SH3TC2: variants seen among roughly 807,000 people sequenced by gnomAD.
SH3TC2 encodes the protein SH3 domain and tetratricopeptide repeat-containing protein 2.
SH3TC2 carries 87 observed loss-of-function variants against 124.5 expected under a neutral mutation model. That is an observed-to-expected ratio of 0.70 (90% CI 0.59 to 0.84). The LOEUF (loss-of-function observed/expected upper bound fraction) is 0.84, where lower values mean the gene tolerates loss of function less well. Among genes scored for constraint, SH3TC2 ranks in the 40% least tolerant of loss-of-function variants. SH3TC2 has a pLI of 0.00. For missense variants in SH3TC2, 1,536 were observed against 1,566.4 expected (o/e 0.98, Z 0.33); for synonymous variants, 634 against 628.5 (o/e 1.01, Z -0.13).
intron 9 of SH3TC2, among the ~76,000 whole-genome samples, chr5:149,029,633 G>A (rs754286693): frequency 1.2e-4 from 18 of 152,128 alleles, no homozygotes; most frequent in Admixed American, 2.0e-4. Context: ...GCAGCCAGTA[G>A]CCAGTGAGGG....
rs1003945391 is a variant in SH3TC2 at position 149,007,062 on chromosome 5, T to C, written c.3494A>G (p.Glu1165Gly). The change falls in exon 16 of 17, where the codon GAG becomes GGG. Residue 1165 changes from glutamate (E) to glycine (G), a missense_variant. Around this residue, in one of 3 missense-constraint regions of SH3TC2, gnomAD observed 426 missense variants for 443.5 expected, o/e 0.96. Transcript: ENST00000515425. The stretch of plus-strand genomic sequence containing the variant: ...AGCCAGGCGGTGAAAGGCCACCAGC[T>C]CTTGCCTCTGATCTCCTAAGAATTG... ...LSTVTGDQRQ[E>G]LVAFHRLATV... 3.7e-6 allele frequency: 6 copies of C among 1,614,040 alleles called. No individual in the cohort carries two copies. The African/African-American group carries it at 5.3e-5, about 14-fold the overall frequency.
rs1232615526 is a variant in SH3TC2, at chr5:148,984,254, T to G, written c.*20457A>C. On this transcript the variant is annotated 3_prime_UTR_variant, in exon 17 of 17. Coordinates refer to ENST00000515425, the MANE Select transcript of SH3TC2 (RefSeq NM_024577.4). ...TTTTTGTTCCTTCGACTGGATAATT[T>G]CAAGTGTCCTGTCTTTGAGTTCACT... 6.6e-6 allele frequency among the ~76,000 whole-genome samples: 1 copy of G among 152,164 alleles called. No homozygotes were observed. The highest frequency in any genetic ancestry group is 1.5e-5 in the Non-Finnish European group (1 of 68,024).
In SH3TC2 at chr5:148,987,781, T is replaced by C. The variant is rs1326252205; in HGVS notation, c.*16930A>G. Among the ~76,000 whole-genome samples, 1 of 151,386 alleles carries C rather than the reference T, an allele frequency of 6.6e-6. No individual in the cohort carries two copies. The highest frequency in any genetic ancestry group is 1.9e-4 in the East Asian group (1 of 5,152). On this transcript the variant is annotated 3_prime_UTR_variant, in exon 17 of 17. Transcript: ENST00000515425. ...CAAGCATGGGAAGCTCACCAAGTCA[T>C]GTCCTCACTCGAGGCCTCATTCAAA... is the stretch of plus-strand genomic sequence containing the variant.
Position 149,001,635 on chromosome 5 carries a change from T to C in SH3TC2, c.*3076A>G, listed in dbSNP as rs917486484. The C allele has an allele frequency of 1.3e-5, 2 of 152,224 alleles. No individual in the cohort carries two copies. The highest frequency in any genetic ancestry group is 2.4e-5 in the African/African-American group (1 of 41,460). The allele number at this position is 152,224 out of a possible 1,614,324, so 9.4% of individuals were successfully genotyped here. A position where few individuals can be genotyped will look rare whatever the true frequency, so the allele number is the denominator to read the frequency against. On this transcript the variant is annotated 3_prime_UTR_variant, in exon 17 of 17. Coordinates refer to ENST00000515425, the MANE Select transcript of SH3TC2 (RefSeq NM_024577.4). ...TTTTTAAAAGAGTTTTAGCAAGCGGTTTACATATAGAATGTAGTAATTGCA... is the reference window on the plus strand; with the variant it reads ...TTTTTAAAAGAGTTTTAGCAAGCGGCTTACATATAGAATGTAGTAATTGCA...
At chr5:149,042,317 T>G (rs1325424054) in intron 5 of SH3TC2, among the ~76,000 whole-genome samples, 1 of 152,234 alleles carries the variant, frequency 6.6e-6, no homozygotes, top group East Asian at 1.9e-4. Flanking sequence ...ACAATCAAAT[T>G]TTATCACGTT....
At chr5:149,034,799 GA>G in intron 8 of SH3TC2, among the ~76,000 whole-genome samples, 1 of 152,134 alleles carries the variant, frequency 6.6e-6, no homozygotes, top group South Asian at 2.1e-4. Flanking sequence ...GTCAACAAAA[GA>G]AAAAATGATT....
chr5:149,034,846 C>T (rs1754256585), intron 8 of SH3TC2, among the ~76,000 whole-genome samples: 1 of 152,136 alleles, frequency 6.6e-6, no homozygotes, highest in Non-Finnish European at 1.5e-5. Context: ...AAGGCCCTGG[C>T]AACATGGATT....
In SH3TC2 at chr5:149,041,482, A is replaced by G; in HGVS notation, c.665T>C (p.Leu222Ser). 6.2e-7 allele frequency: 1 copy of G among 1,614,124 alleles called. No homozygotes were observed. The highest frequency in any genetic ancestry group is 8.5e-7 in the Non-Finnish European group (1 of 1,180,026). Residue 222 changes from leucine to serine, a missense_variant, in exon 6 of 17, where the codon TTG becomes TCG. Physicochemically the swap from Leu to Ser is moderately radical, Grantham distance 145. Around this residue, in one of 3 missense-constraint regions of SH3TC2, gnomAD observed 1,102 missense variants for 1,098.6 expected, o/e 1.00. Transcript: ENST00000515425. ...TACCAGGCCCCGCTGACCTGTCACCAAAGACACGCCTTCCAACTCGGAGCC... is the reference window on the plus strand; with the variant it reads ...TACCAGGCCCCGCTGACCTGTCACCGAAGACACGCCTTCCAACTCGGAGCC... ...EAGSELEGVS[L>S]VTGQRGLVLV...
chr5:149,030,534 A>G (rs1754171910), intron 9 of SH3TC2, among the ~76,000 whole-genome samples: 1 of 152,248 alleles, frequency 6.6e-6, no homozygotes, highest in Admixed American at 6.5e-5. Flanking sequence ...GCTCCCGCCT[A>G]CTGGGCAGTG....
In SH3TC2 at chr5:148,988,475, C is replaced by T. The variant is rs995039312; in HGVS notation, c.*16236G>A. On this transcript the variant is annotated 3_prime_UTR_variant, in exon 17 of 17. Coordinates refer to ENST00000515425, the MANE Select transcript of SH3TC2 (RefSeq NM_024577.4). ...GGTCATAGGAAGCTTTGCAGCTCCCCGTTTAATCTCCTGGAATGCTAGCTC... is the reference window on the plus strand; with the variant it reads ...GGTCATAGGAAGCTTTGCAGCTCCCTGTTTAATCTCCTGGAATGCTAGCTC... Among the ~76,000 whole-genome samples the T allele has an allele frequency of 5.3e-5, 8 of 152,170 alleles. No individual in the cohort carries two copies. The highest frequency in any genetic ancestry group is 1.9e-4 in the African/African-American group (8 of 41,428).
chr5:149,061,520 T>G (rs113462211), intron 1 of SH3TC2, among the ~76,000 whole-genome samples: 1 of 152,236 alleles, frequency 6.6e-6, no homozygotes, highest in Non-Finnish European at 1.5e-5. Flanking sequence ...CCATTTCACA[T>G]GTAGACTTAA....
intron 8 of SH3TC2, 56 bp from the exon 9 acceptor site, chr5:149,031,743 T>C (rs1470541701): frequency 1.2e-6 from 2 of 1,608,984 alleles, no homozygotes; most frequent in African/African-American, 2.7e-5. Flanking sequence ...AGACTCCATC[T>C]CCTCTTCTCT....
chr5:149,052,179 G>T lies in SH3TC2; in HGVS notation c.114C>A (p.Tyr38Ter). 2 of 1,613,614 alleles carry T rather than the reference G, an allele frequency of 1.2e-6. No individual in the cohort carries two copies. Among genetic ancestry groups the T allele is most frequent in the South Asian group, 1.1e-5 (1 of 91,080 alleles). ...TCTGTGGCAGAAAACATTTTTCCTT[G>T]TATTCAGATGAGGCTATACACTCAC... ...VSSECIASSEYKEKCFLPQNI... is the reference protein window; with the variant it reads ...VSSECIASSE Residue 38 changes from tyrosine to a stop codon, truncating the protein, a stop_gained, in exon 2 of 17, where the codon TAC (tyrosine) becomes TAA (stop). Transcript: ENST00000515425. LOFTEE classifies it high-confidence loss of function.
At chr5:149,038,515 G>T (rs887624094) in intron 7 of SH3TC2, 25 bp from the exon 8 acceptor site, 1 of 1,612,194 alleles carries the variant, frequency 6.2e-7, no homozygotes, top group East Asian at 2.2e-5. Flanking sequence ...ACACAGATCA[G>T]CTACAGAAGA....
Position 149,038,440 on chromosome 5 carries a change from C to G in SH3TC2, c.856G>C (p.Glu286Gln). The G allele has an allele frequency of 6.2e-7, 1 of 1,614,146 alleles. No individual in the cohort carries two copies. Among genetic ancestry groups the G allele is most frequent in the Non-Finnish European group, 8.5e-7 (1 of 1,180,010 alleles). ...LTGYEPGEKD[E>Q]LNFYQGESIE... ...CTTTCTCCCTGGTAGAAATTCAGTTCATCCTTTTCTCCTGGCTCATAACCC... is the reference window on the plus strand; with the variant it reads ...CTTTCTCCCTGGTAGAAATTCAGTTGATCCTTTTCTCCTGGCTCATAACCC... Residue 286 changes from glutamate to glutamine, a missense_variant, in exon 8 of 17, where the codon GAA (glutamate) becomes CAA (glutamine). Coordinates refer to ENST00000515425, the MANE Select transcript of SH3TC2 (RefSeq NM_024577.4).
At chr5:149,047,707 A>G in intron 3 of SH3TC2, 155 bp downstream of exon 3, 1 of 1,027,630 alleles carries the variant, frequency 9.7e-7, no homozygotes. Context: ...TCCTGTGCAG[A>G]GAATGTGCAC....
chr5:149,017,288 G>A (rs779757444), intron 12 of SH3TC2, among the ~76,000 whole-genome samples: 2 of 152,094 alleles, frequency 1.3e-5, no homozygotes, highest in Non-Finnish European at 2.9e-5. Flanking sequence ...ACCCCATCCG[G>A]CTCAGTTCTA....
At chr5:149,023,338 T>C (rs1241347043) in intron 12 of SH3TC2, among the ~76,000 whole-genome samples, 4 of 152,310 alleles carry the variant, frequency 2.6e-5, no homozygotes, top group East Asian at 3.9e-4. Context: ...AACAGAACAG[T>C]ATATTATGTA....
rs1753278701 is a variant in SH3TC2 at position 148,983,202 on chromosome 5, A to AT, written c.*21508dup. On this transcript the variant is annotated 3_prime_UTR_variant, in exon 17 of 17. Transcript: ENST00000515425. ...CTGTTAAAAGCATTTTGAGTACAGT[A>AT]TTTTTTGTTACTTTGCTTCATTCGT... is the stretch of plus-strand genomic sequence containing the variant. Among the ~76,000 whole-genome samples the AT allele has an allele frequency of 6.6e-6, 1 of 151,960 alleles. No individual in the cohort carries two copies.
Sources: allele counts gnomAD v4.1 joint callset (sites outside exome capture counted in the v4.1 genomes callset), GRCh38; gene constraint gnomAD v4.1.1; regional missense constraint gnomAD v4.1.1; transcripts MANE v1.5; gene names NCBI Gene and HGNC (gene_info 2026-07-23, HGNC 2026-07-21).